Variants in PXDNL observed in about 807,000 individuals in gnomAD.
PXDNL encodes the protein probable oxidoreductase PXDNL.
Under a neutral mutation model 150.8 loss-of-function variants are expected in PXDNL, and 145 were observed. The ratio of observed to expected loss-of-function variants is 0.96; its 90% confidence interval spans 0.84 to 1.10. PXDNL has a LOEUF of 1.10. Among genes scored for constraint, PXDNL ranks in the 50% least tolerant of loss-of-function variants. PXDNL has a pLI of 0.00. For synonymous variants in PXDNL, 757 were observed against 725.7 expected (o/e 1.04, Z -0.69); for missense variants, 2,087 against 1,873.9 (o/e 1.11, Z -2.10).
intron 5 of PXDNL, among the ~76,000 whole-genome samples, chr8:51,492,070 G>A (rs1810908354): frequency 2.0e-5 from 3 of 152,180 alleles, no homozygotes; most frequent in Admixed American, 2.0e-4. Flanking sequence ...AGGCAAATGA[G>A]GTTGCAGTAA....
At chr8:51,498,256 A>G (rs1481139544) in intron 5 of PXDNL, among the ~76,000 whole-genome samples, 11 of 145,376 alleles carry the variant, frequency 7.6e-5, no homozygotes, top group Non-Finnish European at 1.2e-4. Flanking sequence ...ACAGGAAGGG[A>G]AACATCACAC....
At chr8:51,789,474 T>C (rs149712309) in intron 1 of PXDNL, among the ~76,000 whole-genome samples, 65 of 152,142 alleles carry the variant, frequency 4.3e-4, no homozygotes, top group African/African-American at 1.5e-3. Flanking sequence ...TTGGATATAG[T>C]CTTCATTATA....
intron 6 of PXDNL, among the ~76,000 whole-genome samples, chr8:51,482,953 A>C (rs1682860891): frequency 6.6e-6 from 1 of 152,174 alleles, no homozygotes; most frequent in Non-Finnish European, 1.5e-5. Context: ...TCTGACTGAC[A>C]TCTGGGAAGC....
At chr8:51,582,284 C>A (rs1813226846) in intron 3 of PXDNL, among the ~76,000 whole-genome samples, 1 of 152,206 alleles carries the variant, frequency 6.6e-6, no homozygotes. Flanking sequence ...CTTGACTATG[C>A]TAGCACTCTG....
intron 1 of PXDNL, among the ~76,000 whole-genome samples, chr8:51,664,066 A>G (rs1815330605): frequency 6.6e-6 from 1 of 151,614 alleles, no homozygotes; most frequent in Admixed American, 6.6e-5. Flanking sequence ...AAAAAAAAAA[A>G]AAGAGCGAGA....
intron 1 of PXDNL, among the ~76,000 whole-genome samples, chr8:51,720,989 A>T (rs1330728038): frequency 6.6e-6 from 1 of 152,220 alleles, no homozygotes; most frequent in African/African-American, 2.4e-5. Flanking sequence ...CGGCCCCAGG[A>T]TATCCGTGGC....
intron 10 of PXDNL, among the ~76,000 whole-genome samples, chr8:51,452,428 T>G (rs1336948479): frequency 6.6e-6 from 1 of 152,224 alleles, no homozygotes; most frequent in Non-Finnish European, 1.5e-5. Flanking sequence ...TTTTTTTTCC[T>G]GAGACATGTA....
intron 17 of PXDNL, among the ~76,000 whole-genome samples, chr8:51,390,934 C>T (rs2130837156): frequency 6.6e-6 from 1 of 152,084 alleles, no homozygotes; most frequent in Non-Finnish European, 1.5e-5. Context: ...TGTGATGTTC[C>T]CCTTCCTGTG....
At chr8:51,657,200 A>G (rs1815169627) in intron 1 of PXDNL, among the ~76,000 whole-genome samples, 1 of 152,216 alleles carries the variant, frequency 6.6e-6, no homozygotes, top group African/African-American at 2.4e-5. Context: ...TTTACTCACT[A>G]ATGTACATTA....
intron 3 of PXDNL, among the ~76,000 whole-genome samples, chr8:51,565,916 C>T (rs746718475): frequency 1.3e-5 from 2 of 151,758 alleles, no homozygotes; most frequent in Non-Finnish European, 2.9e-5. Flanking sequence ...AGTTTCTCAC[C>T]ATTAAGCATT....
In PXDNL at chr8:51,553,771, T is replaced by TATAC. The variant is rs1236843720; in HGVS notation, c.380+3068_380+3069insGTAT. Among the ~76,000 whole-genome samples the TATAC allele has an allele frequency of 4.6e-3, 292 of 63,784 alleles. 1 individual carries two copies. The highest frequency in any genetic ancestry group is 7.6e-3 in the Non-Finnish European group (264 of 34,668). 41.8% of individuals were successfully genotyped at this position (63,784 alleles called of 152,430 possible). A position where few individuals can be genotyped will look rare whatever the true frequency, so the allele number is the denominator to read the frequency against. On this transcript the variant is annotated intron_variant, in intron 4 of 22. Transcript: ENST00000356297. ...ATATATATATATATATATATATATA[T>TATAC]ACACACACTGAAAATATAAATCTCG...
intron 4 of PXDNL, among the ~76,000 whole-genome samples, chr8:51,541,380 C>T (rs1423669920): frequency 6.6e-6 from 1 of 152,092 alleles, no homozygotes; most frequent in Non-Finnish European, 1.5e-5. Context: ...CATAATAGGG[C>T]TCATATAGCC....
chr8:51,436,316 T>C, intron 12 of PXDNL: 1 of 469,438 alleles, frequency 2.1e-6, no homozygotes, highest in Admixed American at 2.4e-5. Context: ...TGTTTTGTCT[T>C]AAATCTCATA....
At chr8:51,336,238 T>C (rs1805827075) in intron 21 of PXDNL, among the ~76,000 whole-genome samples, 1 of 152,206 alleles carries the variant, frequency 6.6e-6, no homozygotes, top group Non-Finnish European at 1.5e-5. Context: ...CTTCCAGAAA[T>C]ATACATGCCC....
At chr8:51,687,795 T>A (rs1258400702) in intron 1 of PXDNL, among the ~76,000 whole-genome samples, 1 of 152,192 alleles carries the variant, frequency 6.6e-6, no homozygotes, top group African/African-American at 2.4e-5. Context: ...GCCAAAGACA[T>A]TCCATGGGAG....
chr8:51,748,089 T>C (rs982679585), intron 1 of PXDNL, among the ~76,000 whole-genome samples: 13 of 152,168 alleles, frequency 8.5e-5, no homozygotes, highest in Non-Finnish European at 1.6e-4. Flanking sequence ...CTCATTTGAA[T>C]AGTTTGGTAG....
chr8:51,794,624 AC>A (rs772025033), intron 1 of PXDNL, among the ~76,000 whole-genome samples: 2 of 151,952 alleles, frequency 1.3e-5, no homozygotes, highest in Non-Finnish European at 2.9e-5. Flanking sequence ...GGAATTCATC[AC>A]CACCAGGCCT....
chr8:51,782,890 C>A (rs1025971725), intron 1 of PXDNL, among the ~76,000 whole-genome samples: 4 of 152,208 alleles, frequency 2.6e-5, no homozygotes, highest in Non-Finnish European at 5.9e-5. Flanking sequence ...CCTTACTGAG[C>A]ATTCCCTCTG....
chr8:51,411,417 A>G lies in PXDNL; in HGVS notation c.1905-10T>C. On this transcript the variant is annotated splice_polypyrimidine_tract_variant and intron_variant, in intron 15 of 22. Coordinates refer to ENST00000356297, the MANE Select transcript of PXDNL (RefSeq NM_144651.5). The stretch of plus-strand genomic sequence containing the variant: ...GGAGGTGTGAGGTTTTCTGCAAATG[A>G]CAAAACACATGATTCTTTACAAGGC... The G allele has an allele frequency of 1.9e-6, 3 of 1,565,982 alleles. No individual in the cohort carries two copies. Among genetic ancestry groups the G allele is most frequent in the Non-Finnish European group, 2.6e-6 (3 of 1,162,754 alleles).
Sources: allele counts gnomAD v4.1 joint callset (sites outside exome capture counted in the v4.1 genomes callset), GRCh38; gene constraint gnomAD v4.1.1; transcripts MANE v1.5; gene names NCBI Gene and HGNC (gene_info 2026-07-23, HGNC 2026-07-21).